The following GPC5 variants were observed in gnomAD, a reference collection of about 807,000 sequenced individuals.
GPC5 encodes the protein glypican-5.
In GPC5, 47 loss-of-function variants were observed where a neutral mutation model predicts 53.9. That is an observed-to-expected ratio of 0.87 (90% CI 0.69 to 1.11). GPC5 has a LOEUF of 1.11. Ranked by LOEUF, GPC5 falls within the 50% of genes most tolerant of loss-of-function variation. GPC5 has a pLI of 0.00. For synonymous variants in GPC5, 286 were observed against 263.3 expected, an observed-to-expected ratio of 1.09 and a Z score of -0.84; for missense variants, 748 against 713.1, an observed-to-expected ratio of 1.05 and a Z score of -0.56.
intron 6 of GPC5, among the ~76,000 whole-genome samples, chr13:92,142,307 C>T (rs2041837707): frequency 6.6e-6 from 1 of 152,082 alleles, no homozygotes; most frequent in African/African-American, 2.4e-5. Flanking sequence ...TGCAAAATTC[C>T]TTTTGTCATG....
intron 7 of GPC5, chr13:92,241,594 G>A (rs2042611968): frequency 6.6e-6 from 1 of 152,118 alleles, no homozygotes; most frequent in Admixed American, 6.5e-5. Flanking sequence ...CTGTGGGATT[G>A]GCTATGACTA....
chr13:91,731,967 T>C (rs2036709078), intron 4 of GPC5, among the ~76,000 whole-genome samples: 1 of 152,258 alleles, frequency 6.6e-6, no homozygotes, highest in Non-Finnish European at 1.5e-5. Flanking sequence ...ATGTATTTGC[T>C]ATTGTAAATA....
At chr13:92,522,956 A>C (rs977428664) in intron 7 of GPC5, among the ~76,000 whole-genome samples, 2 of 152,152 alleles carry the variant, frequency 1.3e-5, no homozygotes, top group Non-Finnish European at 1.5e-5. Context: ...TATGGAAAAC[A>C]ATACAAATAT....
intron 7 of GPC5, among the ~76,000 whole-genome samples, chr13:92,665,021 C>A (rs1886523716): frequency 6.6e-6 from 1 of 151,738 alleles, no homozygotes; most frequent in Non-Finnish European, 1.5e-5. Flanking sequence ...ACAAAAAAAA[C>A]AGTAGAAATC....
At chr13:91,445,488 G>T (rs551843597) in intron 1 of GPC5, among the ~76,000 whole-genome samples, 5 of 152,120 alleles carry the variant, frequency 3.3e-5, no homozygotes, top group Non-Finnish European at 7.4e-5. Flanking sequence ...TTGTTTGTTT[G>T]TTTTGAGACA....
rs1277146097 is a variant in GPC5 at position 91,905,623 on chromosome 13, G to A, written c.1281-2314G>A. On this transcript the variant is annotated intron_variant, in intron 5 of 7. Transcript: ENST00000377067. ...CACTTCTTAAAACTGGTCACTGGAA[G>A]TATATTATCTCAGGAAGAACTGGAT... 2.0e-5 allele frequency among the ~76,000 whole-genome samples: 3 copies of A among 152,042 alleles called. No homozygotes were observed. The South Asian group carries it at 6.2e-4, about 31-fold the overall frequency.
At chr13:91,521,931 G>A (rs1885837760) in intron 2 of GPC5, among the ~76,000 whole-genome samples, 1 of 152,244 alleles carries the variant, frequency 6.6e-6, no homozygotes, top group Non-Finnish European at 1.5e-5. Flanking sequence ...TAATTTGCTA[G>A]AGCAGCTCAT....
At chr13:91,569,976 G>A (rs536840011) in intron 2 of GPC5, among the ~76,000 whole-genome samples, 4 of 152,106 alleles carry the variant, frequency 2.6e-5, no homozygotes, top group Non-Finnish European at 4.4e-5. Context: ...ACAAATGGAC[G>A]AAGATAATAA....
At chr13:92,549,990 T>C (rs972611217) in intron 7 of GPC5, among the ~76,000 whole-genome samples, 2 of 151,898 alleles carry the variant, frequency 1.3e-5, no homozygotes, top group Non-Finnish European at 2.9e-5. Context: ...TACTGATAAC[T>C]ATAATTCAAG....
chr13:91,469,124 T>C (rs1882438327), intron 2 of GPC5, among the ~76,000 whole-genome samples: 1 of 152,104 alleles, frequency 6.6e-6, no homozygotes, highest in South Asian at 2.1e-4. Context: ...TCTTTCTTTT[T>C]TTGAGACATA....
intron 2 of GPC5, among the ~76,000 whole-genome samples, chr13:91,451,454 G>A (rs1215017029): frequency 6.6e-6 from 1 of 152,028 alleles, no homozygotes; most frequent in East Asian, 1.9e-4. Flanking sequence ...ATGAAGGCTG[G>A]GAGGTTAAAA....
chr13:92,167,259 G>A (rs2042038274), intron 7 of GPC5, among the ~76,000 whole-genome samples: 1 of 152,084 alleles, frequency 6.6e-6, no homozygotes, highest in African/African-American at 2.4e-5. Flanking sequence ...TATAGTCCAT[G>A]ATCAATATTT....
chr13:91,511,826 G>A (rs1885244992), intron 2 of GPC5, among the ~76,000 whole-genome samples: 1 of 151,308 alleles, frequency 6.6e-6, no homozygotes, highest in Non-Finnish European at 1.5e-5. Flanking sequence ...ATACATCTTG[G>A]GCGTATATGA....
At chr13:92,393,480 T>A (rs982785639) in intron 7 of GPC5, among the ~76,000 whole-genome samples, 6 of 152,036 alleles carry the variant, frequency 3.9e-5, no homozygotes, top group African/African-American at 9.7e-5. Context: ...CGAAACCCTG[T>A]CTCTACTAAA....
chr13:92,200,525 T>C (rs1444110425), intron 7 of GPC5, among the ~76,000 whole-genome samples: 10 of 152,240 alleles, frequency 6.6e-5, no homozygotes, highest in Non-Finnish European at 1.5e-4. Context: ...TAGAAAATTA[T>C]AACAGTTGAG....
chr13:91,743,103 A>G (rs560984440), intron 4 of GPC5, among the ~76,000 whole-genome samples: 1 of 152,098 alleles, frequency 6.6e-6, no homozygotes, highest in Admixed American at 6.6e-5. Flanking sequence ...TGAATAAATT[A>G]TCCTTATCTA....
intron 6 of GPC5, among the ~76,000 whole-genome samples, chr13:91,963,050 G>T (rs2040141088): frequency 6.6e-6 from 1 of 152,116 alleles, no homozygotes; most frequent in African/African-American, 2.4e-5. Context: ...ACTTGAGTTT[G>T]AATCCTGTTT....
At chr13:92,122,409 G>A (rs1385906803) in intron 6 of GPC5, among the ~76,000 whole-genome samples, 2 of 151,778 alleles carry the variant, frequency 1.3e-5, no homozygotes, top group East Asian at 1.9e-4. Context: ...CAGTAGCAGC[G>A]AGGTGTGAAC....
intron 6 of GPC5, among the ~76,000 whole-genome samples, chr13:91,985,133 G>T (rs2040395075): frequency 6.6e-6 from 1 of 152,108 alleles, no homozygotes; most frequent in Non-Finnish European, 1.5e-5. Context: ...TTTTGAAGAT[G>T]TATTATTTGT....
Sources: gnomAD v4.1 joint callset for allele counts (sites outside exome capture counted in the v4.1 genomes callset) on GRCh38, gnomAD v4.1.1 for gene constraint, MANE v1.5 for transcripts, NCBI Gene and HGNC (gene_info 2026-07-23, HGNC 2026-07-21) for gene names.